Variants in FAM20C observed in about 807,000 individuals in gnomAD.
The protein encoded by FAM20C is extracellular serine/threonine protein kinase FAM20C.
FAM20C carries 40 observed loss-of-function variants against 51.5 expected under a neutral mutation model. That is an observed-to-expected ratio of 0.78 (90% CI 0.60 to 1.01). The LOEUF is 1.01. Among genes scored for constraint, FAM20C ranks in the 50% least tolerant of loss-of-function variants. The pLI, the probability that FAM20C is intolerant of heterozygous loss-of-function variation, is 0.00. For missense variants in FAM20C, 861 were observed against 844.7 expected (o/e 1.02, Z -0.24); for synonymous variants, 406 against 380.6 (o/e 1.07, Z -0.78).
intron 3 of FAM20C, among the ~76,000 whole-genome samples, chr7:223,840 C>G (rs910165278): frequency 6.7e-6 from 1 of 149,268 alleles, no homozygotes; most frequent in African/African-American, 2.6e-5. Flanking sequence ...CTGAAATGAG[C>G]TTTCGAGAGA....
intron 2 of FAM20C, among the ~76,000 whole-genome samples, chr7:195,953 G>T (rs1294145509): frequency 1.3e-5 from 2 of 152,224 alleles, no homozygotes; most frequent in African/African-American, 2.4e-5. Flanking sequence ...CGATGAGCGG[G>T]GAGACGCCTG....
chr7:232,736 G>T (rs1039879226), intron 3 of FAM20C, among the ~76,000 whole-genome samples: 2 of 152,242 alleles, frequency 1.3e-5, no homozygotes, highest in Non-Finnish European at 2.9e-5. Flanking sequence ...GGCCAGCTCC[G>T]GGAATGCCTA....
intron 3 of FAM20C, chr7:228,520 A>C (rs923416505): frequency 4.4e-6 from 2 of 456,204 alleles, no homozygotes; most frequent in Admixed American, 4.7e-5. Context: ...AGAGGCTGAC[A>C]CTGCCATGGG....
intron 1 of FAM20C, 124 bp downstream of exon 1, chr7:193,928 G>T: frequency 2.2e-6 from 3 of 1,357,644 alleles, no homozygotes; most frequent in Non-Finnish European, 2.9e-6. Context: ...AGTGTGGTGC[G>T]GGAGGAGGCA....
intron 8 of FAM20C, among the ~76,000 whole-genome samples, 181 bp from the exon 9 acceptor site, chr7:258,450 GGGATGGACCCACTGC>G (rs1562402122): frequency 6.6e-5 from 3 of 45,142 alleles, no homozygotes; most frequent in African/African-American, 2.4e-4. Flanking sequence ...GGAGATGGGT[GGGATGGACCCACTGC>G]CTGGGGTGCT....
intron 8 of FAM20C, among the ~76,000 whole-genome samples, chr7:257,887 GCCC>G (rs1788667321): frequency 7.7e-6 from 1 of 129,960 alleles, no homozygotes; most frequent in African/African-American, 3.4e-5. Flanking sequence ...TGGACCCACT[GCCC>G]AGGATGCTGG....
intron 3 of FAM20C, among the ~76,000 whole-genome samples, chr7:224,148 G>C (rs1275958169): frequency 6.7e-6 from 1 of 149,462 alleles, no homozygotes; most frequent in East Asian, 2.0e-4. Context: ...GTCTCACAGC[G>C]GCTGTCCCCT....
rs751845284 is a variant in FAM20C at position 193,833 on chromosome 7, C to G, written c.605+29C>G. The G allele has an allele frequency of 5.2e-6, 8 of 1,545,854 alleles. No individual in the cohort carries two copies. In the East Asian group the frequency reaches 1.2e-4, roughly 24 times the overall value. On this transcript the variant is annotated intron_variant, in intron 1 of 9. Coordinates refer to ENST00000313766, the MANE Select transcript of FAM20C (RefSeq NM_020223.4). ...AGTGGGGGCTGGCAGGTGCCCACCC[C>G]CAAGGGAGCCGTGAGCCCAAGGCAT... is the stretch of plus-strand genomic sequence containing the variant.
chr7:233,487 TTCCCAGCCCAGAGTG>T (rs1472823688), intron 3 of FAM20C, among the ~76,000 whole-genome samples: 3 of 152,162 alleles, frequency 2.0e-5, no homozygotes, highest in African/African-American at 7.2e-5. Context: ...AAGCATCCTC[TTCCCAGCCCAGAGTG>T]CAGGGGTCTA....
intron 4 of FAM20C, among the ~76,000 whole-genome samples, chr7:247,195 C>A (rs886393401): frequency 6.6e-6 from 1 of 152,234 alleles, no homozygotes; most frequent in Non-Finnish European, 1.5e-5. Context: ...GGGGCCGCCC[C>A]AGCCCAGCAG....
chr7:219,122 G>A (rs934987516), intron 3 of FAM20C, among the ~76,000 whole-genome samples: 1 of 152,042 alleles, frequency 6.6e-6, no homozygotes, highest in Non-Finnish European at 1.5e-5. Context: ...TTGGAGGCAC[G>A]GTTGCCTTCT....
chr7:230,375 G>C lies in FAM20C; in HGVS notation c.864-16040G>C, dbSNP rs997487280. Among the ~76,000 whole-genome samples, 3 of 102,222 alleles carry C rather than the reference G, an allele frequency of 2.9e-5. 1 individual carries two copies. Among genetic ancestry groups the C allele is most frequent in the East Asian group, 3.2e-4 (1 of 3,120 alleles). 67.1% of individuals were successfully genotyped at this position (102,222 alleles called of 152,430 possible). A position where few individuals can be genotyped will look rare whatever the true frequency, so the allele number is the denominator to read the frequency against. On this transcript the variant is annotated intron_variant, in intron 3 of 9. Transcript: ENST00000313766. Reference sequence around the variant, plus strand: ...ATTTCTTGTCCCCAGGACGGGGTGGGGGGGGGGGGGAACAGATCCCCGTGG... The same window carrying C: ...ATTTCTTGTCCCCAGGACGGGGTGGCGGGGGGGGGGAACAGATCCCCGTGG...
In FAM20C at chr7:251,981, C is replaced by T. The variant is rs565460147; in HGVS notation, c.1072+3551C>T. 2.2e-3 allele frequency among the ~76,000 whole-genome samples: 338 copies of T among 152,366 alleles called. 2 individuals are homozygous for T. The highest frequency in any genetic ancestry group is 7.7e-3 in the African/African-American group (320 of 41,594). ...CTGCTGCCACTCCAGCCGCGCTGCC[C>T]TGTCAGTCCGATTTCTTCCAGAAGC... is the stretch of plus-strand genomic sequence containing the variant. On this transcript the variant is annotated intron_variant, in intron 5 of 9. Transcript: ENST00000313766.
At chr7:230,510 C>T (rs570135189) in intron 3 of FAM20C, among the ~76,000 whole-genome samples, 78 of 152,220 alleles carry the variant, frequency 5.1e-4, no homozygotes, top group Non-Finnish European at 8.7e-4. Flanking sequence ...CCTGTGGGGC[C>T]GTGGGTGGAT....
intron 1 of FAM20C, 188 bp from the exon 2 acceptor site, chr7:195,366 T>G: frequency 2.2e-6 from 1 of 463,466 alleles, no homozygotes. Context: ...TGTTATTAGT[T>G]GGCAGCCGAG....
At position 259,504 on chromosome 7, in the gene FAM20C, TTCTG is replaced by T. The variant is rs368898404; in HGVS notation, c.1506-215_1506-212del. On this transcript the variant is annotated intron_variant, in intron 9 of 9. Coordinates refer to ENST00000313766, the MANE Select transcript of FAM20C (RefSeq NM_020223.4). ...CCTGTTTCTCTTTATCTGTGTCTCT[TTCTG>T]TCTGTCTGTCTCTGTCTGTCTGCCT... 3.0e-3 allele frequency among the ~76,000 whole-genome samples: 445 copies of T among 146,750 alleles called. No individual in the cohort carries two copies. The highest frequency in any genetic ancestry group is 0.01 in the African/African-American group (373 of 36,938).
chr7:223,351 G>A (rs1787324942), intron 3 of FAM20C, among the ~76,000 whole-genome samples: 1 of 152,174 alleles, frequency 6.6e-6, no homozygotes, highest in Admixed American at 6.5e-5. Context: ...TGTGTCCGCA[G>A]CACTAGCCAC....
chr7:232,863 G>C (rs1448829371), intron 3 of FAM20C, among the ~76,000 whole-genome samples: 3 of 152,208 alleles, frequency 2.0e-5, no homozygotes, highest in Non-Finnish European at 4.4e-5. Context: ...CTGGATTTCG[G>C]AGAAACAACG....
chr7:246,202 C>G (rs991553549), intron 3 of FAM20C: 1 of 534,118 alleles, frequency 1.9e-6, no homozygotes, highest in Non-Finnish European at 3.4e-6. Flanking sequence ...CCACGGGGAG[C>G]TGGGACCCCC....
Sources: gnomAD v4.1 joint callset for allele counts (sites outside exome capture counted in the v4.1 genomes callset) on GRCh38, gnomAD v4.1.1 for gene constraint, MANE v1.5 for transcripts, NCBI Gene and HGNC (gene_info 2026-07-23, HGNC 2026-07-21) for gene names.